The following GOLGA6L2 variants were observed in gnomAD, a reference collection of about 807,000 sequenced individuals.
GOLGA6L2 encodes golgin A6 family like 2.
In GOLGA6L2, 30 loss-of-function variants were observed where a neutral mutation model predicts 35.9. The observed-to-expected ratio is 0.83, with a 90% CI of 0.62 to 1.13. The LOEUF is 1.13. Ranked by LOEUF, GOLGA6L2 falls within the 50% of genes most tolerant of loss-of-function variation. GOLGA6L2 has a pLI of 0.00. For missense variants in GOLGA6L2, 821 were observed against 973.4 expected (o/e 0.84, Z 2.08); for synonymous variants, 297 against 344.0 (o/e 0.86, Z 1.51).
At chr15:23,444,759 T>C (rs1595259088) in intron 2 of GOLGA6L2, among the ~76,000 whole-genome samples, 1 of 151,910 alleles carries the variant, frequency 6.6e-6, no homozygotes. Context: ...AGAGATGGAG[T>C]GTGAGAAAAG....
intron 6 of GOLGA6L2, 109 bp downstream of exon 6, chr15:23,442,341 A>G (rs2070703490): frequency 7.5e-7 from 1 of 1,325,736 alleles, no homozygotes; most frequent in Non-Finnish European, 1.0e-6. Context: ...CTGTGCACAC[A>G]TGTAAACCTG....
In GOLGA6L2 at chr15:23,440,322, C is replaced by A; in HGVS notation, c.2153G>T (p.Arg718Met). The A allele has an allele frequency of 1.0e-6, 1 of 961,134 alleles. No individual in the cohort carries two copies. Among genetic ancestry groups the A allele is most frequent in the South Asian group, 1.6e-5 (1 of 63,510 alleles). The allele number at this position is 961,134 out of a possible 1,614,324, so 59.5% of individuals were successfully genotyped here. ...TCCCACATCTTCTGCTCCTGATCTC[C>A]TGCTCCTGCATCTTCTCGTGTTCCC... ...SCGNTRRCRS[R>M]RSGAEDVGPE... The change falls in exon 8 of 8, where the codon AGG (arginine) becomes ATG (methionine). Residue 718 changes from arginine (R) to methionine (M), a missense_variant. Physicochemically the swap from Arg to Met is moderately conservative, Grantham distance 91. Around this residue, in one of 7 missense-constraint regions of GOLGA6L2, gnomAD observed 99 missense variants for 199.9 expected, o/e 0.50. Coordinates refer to ENST00000567107, the MANE Select transcript of GOLGA6L2 (RefSeq NM_001304388.2).
intron 2 of GOLGA6L2, 69 bp from the exon 3 acceptor site, chr15:23,444,569 G>T: frequency 1.4e-6 from 2 of 1,408,194 alleles, no homozygotes; most frequent in Non-Finnish European, 9.9e-7. Context: ...GCCAGGAAGC[G>T]GTACGCAGGG....
chr15:23,444,575 C>T, intron 2 of GOLGA6L2, 75 bp from the exon 3 acceptor site: 1 of 1,384,622 alleles, frequency 7.2e-7, no homozygotes, highest in African/African-American at 1.4e-5. Flanking sequence ...AAGCGGTACG[C>T]AGGGGTCAGG....
chr15:23,442,051 T>C lies in GOLGA6L2; in HGVS notation c.720A>G (p.Glu240=). ...TCACGTTGAGCTGGATCTCAGACTT[T>C]TCAGATTCTGCAAGTCGAAGTTTTT... ...LQEKLRLAES[E]KSEIQLNVKE... is the part of the protein sequence containing the mutation. The change falls in exon 7 of 8, where the codon GAA becomes GAG. Residue 240 remains glutamate, a synonymous_variant. Transcript: ENST00000567107. 1 of 1,544,684 alleles carries C rather than the reference T, an allele frequency of 6.5e-7. No homozygotes were observed. The highest frequency in any genetic ancestry group is 2.4e-5 in the East Asian group (1 of 42,316).
chr15:23,439,498 C>T lies in GOLGA6L2; in HGVS notation c.*247G>A. 1.2e-6 allele frequency: 1 copy of T among 840,468 alleles called. No homozygotes were observed. The highest frequency in any genetic ancestry group is 1.8e-6 in the Non-Finnish European group (1 of 553,162). 52.1% of individuals were successfully genotyped at this position (840,468 alleles called of 1,614,324 possible). On this transcript the variant is annotated 3_prime_UTR_variant, in exon 8 of 8. Transcript: ENST00000567107. Reference sequence around the variant, plus strand: ...TGCTCAGACTATATTCACACAGTGACATGGCGGCTTATGCTTCTGTAGGCC... The same window carrying T: ...TGCTCAGACTATATTCACACAGTGATATGGCGGCTTATGCTTCTGTAGGCC...
intron 5 of GOLGA6L2, among the ~76,000 whole-genome samples, chr15:23,442,904 G>T (rs1389678187): frequency 1.3e-5 from 2 of 152,092 alleles, no homozygotes; most frequent in South Asian, 2.1e-4. Flanking sequence ...AGACTGAATT[G>T]ATAGCTGGCT....
In GOLGA6L2 at chr15:23,443,895, G is replaced by C; in HGVS notation, c.473C>G (p.Ser158Cys). Residue 158 changes from serine to cysteine, a missense_variant, in exon 5 of 8, where the codon TCT becomes TGT. This residue lies in a region of GOLGA6L2 where 614 missense variants were observed against 632.3 expected (regional missense o/e 0.97). Transcript: ENST00000567107. ...RGSPLGCVST[S>C]LIPGESKDLA... ...ATCCTTGGACTCTCCTGGAATGAGA[G>C]AGGTTGAGACACAGCCCAAAGGACT... 1 of 1,543,896 alleles carries C rather than the reference G, an allele frequency of 6.5e-7. No homozygotes were observed. Among genetic ancestry groups the C allele is most frequent in the Non-Finnish European group, 8.7e-7 (1 of 1,151,180 alleles).
Position 23,447,159 on chromosome 15 carries a change from G to T in GOLGA6L2, c.23C>A (p.Pro8His). ...TTTTTCTGACATCATGGGGTGGGGA[G>T]GGAGGTGGGGTTGGGGCCACATCAG... MWPQPHL[P>H]PHPMMSEKTR... Residue 8 changes from proline (P) to histidine (H), a missense_variant, in exon 1 of 8, where the codon CCT (proline) becomes CAT (histidine). Around this residue, in one of 7 missense-constraint regions of GOLGA6L2, gnomAD observed 48 missense variants for 31.7 expected, o/e 1.51. Transcript: ENST00000567107. 1 of 1,593,698 alleles carries T rather than the reference G, an allele frequency of 6.3e-7. No individual in the cohort carries two copies. Among genetic ancestry groups the T allele is most frequent in the Non-Finnish European group, 8.6e-7 (1 of 1,165,320 alleles).
Position 23,442,169 on chromosome 15 carries a change from C to G in GOLGA6L2, c.651-49G>C, listed in dbSNP as rs1195054783. The stretch of plus-strand genomic sequence containing the variant: ...AGGAATGAACGAAGAACAGAAAGGA[C>G]TGCTTTGGTGATCAACCCTCTACTC... On this transcript the variant is annotated intron_variant, in intron 6 of 7. Coordinates refer to ENST00000567107, the MANE Select transcript of GOLGA6L2 (RefSeq NM_001304388.2). The G allele has an allele frequency of 2.6e-6, 4 of 1,554,524 alleles. No homozygotes were observed. The African/African-American group carries it at 4.0e-5, about 16-fold the overall frequency.
chr15:23,441,673 T>C lies in GOLGA6L2; in HGVS notation c.802A>G (p.Asn268Asp). The C allele has an allele frequency of 1.3e-6, 2 of 1,510,414 alleles. No homozygotes were observed. Among genetic ancestry groups the C allele is most frequent in the South Asian group, 1.3e-5 (1 of 76,934 alleles). The allele number at this position is 1,510,414 out of a possible 1,614,324, so 93.6% of individuals were successfully genotyped here. The stretch of plus-strand genomic sequence containing the variant: ...CTCCACATCTCCTCCTGCAAAGTGT[T>C]GGTTTGAACCTCAAAAGGAAATAGA... ...AKFLLPQVQTNTLQEEMWRQE... is the reference protein window; with the variant it reads ...AKFLLPQVQTDTLQEEMWRQE... Residue 268 changes from asparagine to aspartate, a missense_variant, in exon 8 of 8, where the codon AAC becomes GAC. Transcript: ENST00000567107.
In GOLGA6L2 at chr15:23,441,674, G is replaced by T. The variant is rs1053862128; in HGVS notation, c.801C>A (p.Thr267=). 5 of 1,506,070 alleles carry T rather than the reference G, an allele frequency of 3.3e-6. No individual in the cohort carries two copies. In the Admixed American group the frequency reaches 9.4e-5, roughly 28 times the overall value. The allele number at this position is 1,506,070 out of a possible 1,614,324, so 93.3% of individuals were successfully genotyped here. The change falls in exon 8 of 8, where the codon ACC becomes ACA. Residue 267 remains threonine, a synonymous_variant. Coordinates refer to ENST00000567107, the MANE Select transcript of GOLGA6L2 (RefSeq NM_001304388.2). Reference sequence around the variant, plus strand: ...TCCACATCTCCTCCTGCAAAGTGTTGGTTTGAACCTCAAAAGGAAATAGAC... The same window carrying T: ...TCCACATCTCCTCCTGCAAAGTGTTTGTTTGAACCTCAAAAGGAAATAGAC... The part of the protein sequence containing the change: ...RAKFLLPQVQ[T]NTLQEEMWRQ...
Position 23,441,380 on chromosome 15 carries a change from C to G in GOLGA6L2, c.1095G>C (p.Arg365=). The change falls in exon 8 of 8, where the codon CGG becomes CGC. Residue 365 remains arginine (R), a synonymous_variant. Coordinates refer to ENST00000567107, the MANE Select transcript of GOLGA6L2 (RefSeq NM_001304388.2). ...GTCTCCACATCTTCTCTTCCTGCTC[C>G]CGCATCTTCTCCTCCTGCTCCCACA... ...EKMWEQEEKM[R]EQEEKMWRQE... is the part of the protein sequence containing the mutation. The G allele has an allele frequency of 6.5e-7, 1 of 1,537,630 alleles. No individual in the cohort carries two copies. The highest frequency in any genetic ancestry group is 1.7e-4 in the Middle Eastern group (1 of 5,972).
In GOLGA6L2 at chr15:23,442,497, C is replaced by G. The variant is rs2070706284; in HGVS notation, c.603G>C (p.Glu201Asp). ...TCAGGGCGTCCCTCTCCTTTGTTAA[C>G]TCCTCGATGTACTGCAAATAGAGAA... The part of the protein sequence containing the change: ...WHKKADRYIE[E>D]LTKERDALSL... The change falls in exon 6 of 8, where the codon GAG becomes GAC. Residue 201 changes from glutamate (E) to aspartate (D), a missense_variant. Glu to Asp is a conservative substitution (Grantham distance 45). Around this residue, in one of 7 missense-constraint regions of GOLGA6L2, gnomAD observed 614 missense variants for 632.3 expected, o/e 0.97. Transcript: ENST00000567107. 1.3e-6 allele frequency: 2 copies of G among 1,593,714 alleles called. No homozygotes were observed. The highest frequency in any genetic ancestry group is 2.7e-5 in the African/African-American group (2 of 74,682).
chr15:23,442,317 G>A, intron 6 of GOLGA6L2, 133 bp downstream of exon 6: 2 of 1,196,288 alleles, frequency 1.7e-6, no homozygotes, highest in South Asian at 2.8e-5. Flanking sequence ...GGCACAGCCG[G>A]CACTAGAGCT....
intron 7 of GOLGA6L2, 132 bp downstream of exon 7, chr15:23,441,847 C>A: frequency 7.3e-7 from 1 of 1,372,310 alleles, no homozygotes; most frequent in Non-Finnish European, 9.6e-7. Flanking sequence ...CTAGAGGATT[C>A]TATGGTGGGA....
intron 1 of GOLGA6L2, among the ~76,000 whole-genome samples, chr15:23,446,028 A>G (rs957436726): frequency 1.3e-5 from 2 of 152,210 alleles, no homozygotes; most frequent in Non-Finnish European, 2.9e-5. Context: ...ATCCTGTGGC[A>G]CTCAAAGTAC....
rs1186365662 is a variant in GOLGA6L2, at chr15:23,440,921, C to G, written c.1554G>C (p.Glu518Asp). The change falls in exon 8 of 8, where the codon GAG becomes GAC. Residue 518 changes from glutamate to aspartate, a missense_variant. Physicochemically the swap from Glu to Asp is conservative, Grantham distance 45. Transcript: ENST00000567107. ...ACATCTCCTCCTGGTCCCGTATCTT[C>G]TCCTCCTGCTCCCATATCTTCTCCT... ...EQEEKIWEQE[E>D]KIRDQEEMWG... is the part of the protein sequence containing the mutation. 11 of 1,280,242 alleles carry G rather than the reference C, an allele frequency of 8.6e-6. No individual in the cohort carries two copies. Among genetic ancestry groups the G allele is most frequent in the Admixed American group, 2.7e-5 (1 of 37,034 alleles). 79.3% of individuals were successfully genotyped at this position (1,280,242 alleles called of 1,614,324 possible).
In GOLGA6L2 at chr15:23,443,920, TC is replaced by T; in HGVS notation, c.447del (p.Ser150ValfsTer53). The T allele has an allele frequency of 6.4e-7, 1 of 1,550,630 alleles. No homozygotes were observed. Among genetic ancestry groups the T allele is most frequent in the Non-Finnish European group, 8.7e-7 (1 of 1,154,662 alleles). Reference protein sequence around the residue: ...FNLALSQAFRGSPLGCVSTSL... With the variant: ...FNLALSQAFRXSPLGCVSTSL... ...GAGGTTGAGACACAGCCCAAAGGAC[TC>T]CCCCTAAAGGCCTGTGAAAGTGCCA... On this transcript the variant is annotated frameshift_variant, in exon 5 of 8. Transcript: ENST00000567107. LOFTEE classifies it high-confidence loss of function.
Sources: allele counts gnomAD v4.1 joint callset (sites outside exome capture counted in the v4.1 genomes callset), GRCh38; gene constraint gnomAD v4.1.1; regional missense constraint gnomAD v4.1.1; transcripts MANE v1.5; gene names NCBI Gene and HGNC (gene_info 2026-07-23, HGNC 2026-07-21).